The following PSD3 variants were observed in gnomAD, a reference collection of about 807,000 sequenced individuals.
PSD3 encodes the protein pleckstrin and Sec7 domain containing 3.
In PSD3, 49 loss-of-function variants were observed where a neutral mutation model predicts 105.5. The ratio of observed to expected loss-of-function variants is 0.46; its 90% CI spans 0.37 to 0.59. The LOEUF is 0.59. Among genes scored for constraint, PSD3 ranks in the 20% least tolerant of loss-of-function variants. PSD3 has a pLI of 0.00. For synonymous variants in PSD3, 557 were observed against 457.8 expected (o/e 1.22, Z -2.77); for missense variants, 1,561 against 1,263.8 (o/e 1.24, Z -3.57).
rs116818649 is a variant in PSD3 at position 18,633,364 on chromosome 8, T to C, written c.2217-558A>G. Among the ~76,000 whole-genome samples the C allele has an allele frequency of 3.1e-3, 479 of 152,114 alleles. 1 individual carries two copies. Among genetic ancestry groups the C allele is most frequent in the African/African-American group, 0.011 (452 of 41,524 alleles). On this transcript the variant is annotated intron_variant, in intron 10 of 15. Coordinates refer to ENST00000327040, the MANE Select transcript of PSD3 (RefSeq NM_015310.4). ...CAGGCAAAGCTACTATGGATTAGAA[T>C]GGGGATGCCAGGCACAGTGCTTTGG...
At chr8:19,008,346 G>A (rs746504079) in intron 1 of PSD3, among the ~76,000 whole-genome samples, 1 of 152,206 alleles carries the variant, frequency 6.6e-6, no homozygotes, top group Non-Finnish European at 1.5e-5. Flanking sequence ...CATGAAGGCA[G>A]AGTCAGAGGA....
chr8:18,972,305 G>A (rs576675251), intron 1 of PSD3, among the ~76,000 whole-genome samples: 2 of 152,284 alleles, frequency 1.3e-5, no homozygotes, highest in African/African-American at 4.8e-5. Context: ...TAAATACAAC[G>A]CTGTTATAAT....
At chr8:19,027,223 AAAAAAGAAAAAG>A (rs758177206) in intron 1 of PSD3, among the ~76,000 whole-genome samples, 4 of 152,252 alleles carry the variant, frequency 2.6e-5, no homozygotes, top group Non-Finnish European at 2.9e-5. Context: ...GGAAAAAAAC[AAAAAAGAAAAAG>A]AAAAAGAAAA....
intron 9 of PSD3, among the ~76,000 whole-genome samples, chr8:18,677,885 C>G (rs1158938665): frequency 2.0e-5 from 3 of 151,938 alleles, no homozygotes; most frequent in African/African-American, 4.8e-5. Flanking sequence ...TGGCGGGTGC[C>G]TGTAGTCCCA....
intron 1 of PSD3, among the ~76,000 whole-genome samples, chr8:19,037,395 A>G (rs908754994): frequency 6.6e-6 from 1 of 152,192 alleles, no homozygotes; most frequent in African/African-American, 2.4e-5. Flanking sequence ...CAAATGATAG[A>G]TCCGTGGCAA....
At chr8:19,023,363 T>C (rs1185904495) in intron 1 of PSD3, among the ~76,000 whole-genome samples, 3 of 152,082 alleles carry the variant, frequency 2.0e-5, no homozygotes, top group Non-Finnish European at 4.4e-5. Context: ...TCAGTAGCCA[T>C]AGGTAGTTAG....
At chr8:18,966,684 C>T (rs1824273439) in intron 1 of PSD3, among the ~76,000 whole-genome samples, 1 of 152,144 alleles carries the variant, frequency 6.6e-6, no homozygotes, top group Non-Finnish European at 1.5e-5. Flanking sequence ...GGGGACTCCT[C>T]AGATCCCCAG....
intron 1 of PSD3, among the ~76,000 whole-genome samples, chr8:18,990,162 T>C (rs760565707): frequency 3.3e-5 from 5 of 152,246 alleles, no homozygotes; most frequent in Non-Finnish European, 5.9e-5. Context: ...GCTTCCTTTC[T>C]TGCCCTCTTC....
chr8:18,736,678 C>T (rs1195527689), intron 9 of PSD3, among the ~76,000 whole-genome samples: 6 of 151,814 alleles, frequency 4.0e-5, no homozygotes, highest in South Asian at 2.1e-4. Context: ...TGTTGAGATA[C>T]GGAAATAATG....
intron 1 of PSD3, among the ~76,000 whole-genome samples, chr8:19,005,557 T>A (rs1826635193): frequency 6.6e-6 from 1 of 151,974 alleles, no homozygotes. Flanking sequence ...CACGACACAC[T>A]GCATGCAGCC....
chr8:18,635,317 C>T (rs1487742), intron 10 of PSD3, among the ~76,000 whole-genome samples: 9,966 of 152,152 alleles, frequency 0.066, 462 homozygotes, highest in South Asian at 0.13. Flanking sequence ...AATCAAATCT[C>T]GGGGCTAGGT....
intron 9 of PSD3, among the ~76,000 whole-genome samples, chr8:18,737,969 A>C (rs1804277885): frequency 6.6e-6 from 1 of 152,228 alleles, no homozygotes; most frequent in African/African-American, 2.4e-5. Flanking sequence ...GAAACTGCTT[A>C]TAAATTATTT....
intron 1 of PSD3, among the ~76,000 whole-genome samples, chr8:18,977,693 T>G (rs1825019594): frequency 6.6e-6 from 1 of 152,222 alleles, no homozygotes. Context: ...TTTATTAAAA[T>G]ATATTTAATG....
At chr8:18,667,363 TA>T (rs1310614936) in intron 9 of PSD3, among the ~76,000 whole-genome samples, 10 of 152,176 alleles carry the variant, frequency 6.6e-5, no homozygotes, top group African/African-American at 2.4e-4. Flanking sequence ...AACCCTGAGC[TA>T]GACACAAAGT....
At chr8:19,076,294 C>A (rs1209493923) in intron 1 of PSD3, among the ~76,000 whole-genome samples, 1 of 152,174 alleles carries the variant, frequency 6.6e-6, no homozygotes, top group Non-Finnish European at 1.5e-5. Context: ...AGAGCTGGAT[C>A]TACTTGCCTT....
intron 1 of PSD3, among the ~76,000 whole-genome samples, chr8:19,031,087 T>C (rs1827751983): frequency 6.6e-6 from 1 of 152,230 alleles, no homozygotes; most frequent in Admixed American, 6.5e-5. Context: ...CAGCACGATA[T>C]ACCACTTCAT....
At chr8:18,984,043 A>G (rs1400593151) in intron 1 of PSD3, among the ~76,000 whole-genome samples, 1 of 151,410 alleles carries the variant, frequency 6.6e-6, no homozygotes, top group Non-Finnish European at 1.5e-5. Flanking sequence ...CTGATCGCAG[A>G]TCATAACAAT....
At chr8:18,641,408 C>A (rs1467610549) in intron 10 of PSD3, among the ~76,000 whole-genome samples, 1 of 152,050 alleles carries the variant, frequency 6.6e-6, no homozygotes, top group Non-Finnish European at 1.5e-5. Context: ...GGTTCATCAT[C>A]CAGTAGGGGA....
At chr8:18,855,085 C>G (rs1269715570) in intron 4 of PSD3, among the ~76,000 whole-genome samples, 1 of 152,180 alleles carries the variant, frequency 6.6e-6, no homozygotes, top group Non-Finnish European at 1.5e-5. Flanking sequence ...GATAGGAGAC[C>G]AGCCTCACTT....
Sources: allele counts gnomAD v4.1 joint callset (sites outside exome capture counted in the v4.1 genomes callset), GRCh38; gene constraint gnomAD v4.1.1; transcripts MANE v1.5; gene names NCBI Gene and HGNC (gene_info 2026-07-23, HGNC 2026-07-21).